Variants in MAPK9 observed in about 807,000 individuals in gnomAD.
The protein encoded by MAPK9 is mitogen-activated protein kinase 9.
A neutral mutation model predicts 57.1 loss-of-function variants in MAPK9; 30 were observed. The ratio of observed to expected loss-of-function variants is 0.53; its 90% CI spans 0.39 to 0.71. The LOEUF (loss-of-function observed/expected upper bound fraction) is 0.71, where lower values mean the gene tolerates loss of function less well. Among genes scored for constraint, MAPK9 ranks in the 30% least tolerant of loss-of-function variants. The pLI, the probability that MAPK9 is intolerant of heterozygous loss-of-function variation, is 0.00. For synonymous variants in MAPK9, 155 were observed against 177.0 expected (o/e 0.88, Z 0.99); for missense variants, 362 against 521.0 (o/e 0.69, Z 2.97).
chr5:180,258,902 C>T (rs1474874960), intron 5 of MAPK9, among the ~76,000 whole-genome samples: 1 of 148,284 alleles, frequency 6.7e-6, no homozygotes. Flanking sequence ...AATTTGGTGG[C>T]AGGTGCCTGT....
chr5:180,238,226 CG>C (rs1375124557), intron 11 of MAPK9, 105 bp downstream of exon 11: 2 of 776,212 alleles, frequency 2.6e-6, no homozygotes, highest in Non-Finnish European at 4.3e-6. Context: ...GCAGAGATCG[CG>C]CCGCTGCTCT....
In MAPK9 at chr5:180,269,371, A is replaced by T. The variant is rs752608660; in HGVS notation, c.161T>A (p.Val54Asp). The T allele has an allele frequency of 6.2e-7, 1 of 1,614,128 alleles. No homozygotes were observed. Among genetic ancestry groups the T allele is most frequent in the Non-Finnish European group, 8.5e-7 (1 of 1,179,946 alleles). Reference sequence around the variant, plus strand: ...CTGAAAAGGACGGCTTAGTTTCTTGACTGCAACATTTATCCCAAGAACTGT... The same window carrying T: ...CTGAAAAGGACGGCTTAGTTTCTTGTCTGCAACATTTATCCCAAGAACTGT... The part of the protein sequence containing the change: ...FDTVLGINVA[V>D]KKLSRPFQNQ... The change falls in exon 3 of 12, where the codon GTC (valine) becomes GAC (aspartate). Residue 54 changes from valine to aspartate, a missense_variant. Around this residue, in one of 3 missense-constraint regions of MAPK9, gnomAD observed 127 missense variants for 231.7 expected, o/e 0.55. Coordinates refer to ENST00000452135, the MANE Select transcript of MAPK9 (RefSeq NM_002752.5).
chr5:180,263,706 C>CTTTT (rs61215315), intron 4 of MAPK9, among the ~76,000 whole-genome samples: 48 of 127,254 alleles, frequency 3.8e-4, no homozygotes, highest in South Asian at 1.3e-3. Context: ...GCACCAAATT[C>CTTTT]TTTTTTTTTT....
At position 180,235,028 on chromosome 5, in the gene MAPK9, C is replaced by T. The variant is rs536020120; in HGVS notation, c.*1356G>A. 7.9e-5 allele frequency: 12 copies of T among 152,242 alleles called. No individual in the cohort carries two copies. The highest frequency in any genetic ancestry group is 1.5e-4 in the Non-Finnish European group (10 of 68,056). The allele number at this position is 152,242 out of a possible 1,614,324, so 9.4% of individuals were successfully genotyped here. ...ACAGGCAGGCAAAACGTGATCACCA[C>T]AGCTCCGTTCCTGCAGTGACACTTA... On this transcript the variant is annotated 3_prime_UTR_variant, in exon 12 of 12. Transcript: ENST00000452135.
At chr5:180,267,377 T>A (rs566222773) in intron 3 of MAPK9, among the ~76,000 whole-genome samples, 4 of 151,676 alleles carry the variant, frequency 2.6e-5, no homozygotes, top group African/African-American at 4.8e-5. Context: ...CTGGCTAACA[T>A]GGTGAAACCC....
In MAPK9 at chr5:180,235,321, C is replaced by G. The variant is rs1326985459; in HGVS notation, c.*1063G>C. On this transcript the variant is annotated 3_prime_UTR_variant, in exon 12 of 12. Coordinates refer to ENST00000452135, the MANE Select transcript of MAPK9 (RefSeq NM_002752.5). ...CAAAGAGGAGTTTATCTGCTTTCTT[C>G]CAGTGAAGAAAGAAAATCAAGAACG... is the stretch of plus-strand genomic sequence containing the variant. 1 of 152,062 alleles carries G rather than the reference C, an allele frequency of 6.6e-6. No homozygotes were observed. The highest frequency in any genetic ancestry group is 2.4e-5 in the African/African-American group (1 of 41,376). The allele number at this position is 152,062 out of a possible 1,614,324, so 9.4% of individuals were successfully genotyped here. A position where few individuals can be genotyped will look rare whatever the true frequency, so the allele number is the denominator to read the frequency against.
rs929802967 is a variant in MAPK9 at position 180,256,299 on chromosome 5, C to T, written c.450+5385G>A. 1.1e-4 allele frequency among the ~76,000 whole-genome samples: 17 copies of T among 150,940 alleles called. No homozygotes were observed. The East Asian group carries it at 3.3e-3, about 30-fold the overall frequency. On this transcript the variant is annotated intron_variant, in intron 5 of 11. Coordinates refer to ENST00000452135, the MANE Select transcript of MAPK9 (RefSeq NM_002752.5). ...TTAATAGGCAAAATTAAAAGTGTGT[C>T]TATCTCTGTGCATGGTACTGTAGAT...
intron 1 of MAPK9, among the ~76,000 whole-genome samples, chr5:180,287,424 AAGAG>A (rs1762870733): frequency 6.6e-6 from 1 of 152,188 alleles, no homozygotes. Flanking sequence ...GGAAAGAAAA[AAGAG>A]AGATTTGTTG....
chr5:180,236,924 T>C (rs541383459), intron 11 of MAPK9: 87 of 154,424 alleles, frequency 5.6e-4, no homozygotes, highest in Non-Finnish European at 9.6e-4. Context: ...GACACTTGAA[T>C]TGTAACAATT....
intron 5 of MAPK9, among the ~76,000 whole-genome samples, chr5:180,253,912 C>T (rs1207162071): frequency 6.7e-6 from 1 of 149,458 alleles, no homozygotes; most frequent in Non-Finnish European, 1.5e-5. Context: ...CATTCTTTAA[C>T]AATTTACCCA....
Position 180,242,622 on chromosome 5 carries a change from G to C in MAPK9, c.822C>G (p.Leu274=), listed in dbSNP as rs777133872. The change falls in exon 8 of 12, where the codon CTC becomes CTG. Residue 274 remains leucine, a synonymous_variant. Coordinates refer to ENST00000452135, the MANE Select transcript of MAPK9 (RefSeq NM_002752.5). ...CTGATGGGAATATCCAATCTGGAAA[G>C]AGTTCTTCAAATTTGATTCCAGGAT... The part of the protein sequence containing the change: ...PKYPGIKFEE[L]FPDWIFPSES... 38 of 1,614,026 alleles carry C rather than the reference G, an allele frequency of 2.4e-5. No homozygotes were observed. The highest frequency in any genetic ancestry group is 3.1e-5 in the Non-Finnish European group (37 of 1,180,010).
chr5:180,259,880 C>T (rs1759738878), intron 5 of MAPK9, among the ~76,000 whole-genome samples: 1 of 152,196 alleles, frequency 6.6e-6, no homozygotes, highest in Admixed American at 6.5e-5. Context: ...CATGAAAAAA[C>T]TCATACTCTG....
Position 180,245,373 on chromosome 5 carries a change from G to A in MAPK9, c.688+2066C>T, listed in dbSNP as rs1030821060. On this transcript the variant is annotated intron_variant, in intron 7 of 11. Transcript: ENST00000452135. The stretch of plus-strand genomic sequence containing the variant: ...TCTCCTGCTCTGCCCTGCCCTTGAC[G>A]ATCCACCCTCAATTCAGCAGCTGGG... Among the ~76,000 whole-genome samples, 11 of 152,182 alleles carry A rather than the reference G, an allele frequency of 7.2e-5. No homozygotes were observed. The East Asian group carries it at 1.5e-3, about 21-fold the overall frequency.
At chr5:180,273,321 C>G (rs1761520892) in intron 2 of MAPK9, among the ~76,000 whole-genome samples, 1 of 151,818 alleles carries the variant, frequency 6.6e-6, no homozygotes, top group Admixed American at 6.6e-5. Flanking sequence ...GTTTCTTGAT[C>G]TTGGTTTTTT....
At chr5:180,281,489 T>G (rs1177832089) in intron 1 of MAPK9, among the ~76,000 whole-genome samples, 1 of 152,250 alleles carries the variant, frequency 6.6e-6, no homozygotes, top group Non-Finnish European at 1.5e-5. Context: ...TATTTAAAAG[T>G]CAGCAAGCTA....
rs566301656 is a variant in MAPK9, at chr5:180,279,276, C to T, written c.122+1164G>A. Among the ~76,000 whole-genome samples, 3 of 152,278 alleles carry T rather than the reference C, an allele frequency of 2.0e-5. No individual in the cohort carries two copies. In the South Asian group the frequency reaches 6.2e-4, roughly 32 times the overall value. On this transcript the variant is annotated intron_variant, in intron 2 of 11. Coordinates refer to ENST00000452135, the MANE Select transcript of MAPK9 (RefSeq NM_002752.5). The stretch of plus-strand genomic sequence containing the variant: ...CGGCCACCTTTAACACTTCTTCTGG[C>T]ACACTGGATTTAAGTGCCGATACAG...
chr5:180,261,339 A>C (rs1044592512), intron 5 of MAPK9, among the ~76,000 whole-genome samples: 2 of 152,270 alleles, frequency 1.3e-5, no homozygotes, highest in Non-Finnish European at 2.9e-5. Flanking sequence ...TATTAAAAAC[A>C]GGTGAATGTA....
chr5:180,255,632 G>A (rs768641587), intron 5 of MAPK9, among the ~76,000 whole-genome samples: 4 of 152,006 alleles, frequency 2.6e-5, no homozygotes, highest in Non-Finnish European at 5.9e-5. Flanking sequence ...AGGTGAAAGG[G>A]GAAGGTCTGC....
intron 8 of MAPK9, among the ~76,000 whole-genome samples, chr5:180,241,569 G>C (rs1412287026): frequency 6.6e-6 from 1 of 152,260 alleles, no homozygotes; most frequent in African/African-American, 2.4e-5. Flanking sequence ...AAAGTGCTGG[G>C]ATTACAGGCG....
Sources: allele counts gnomAD v4.1 joint callset (sites outside exome capture counted in the v4.1 genomes callset), GRCh38; gene constraint gnomAD v4.1.1; regional missense constraint gnomAD v4.1.1; transcripts MANE v1.5; gene names NCBI Gene and HGNC (gene_info 2026-07-23, HGNC 2026-07-21).